The following MTFR1 variants were observed in gnomAD, a reference collection of about 807,000 sequenced individuals.
The protein encoded by MTFR1 is chondrocyte protein with a poly-proline region.
MTFR1 carries 28 observed loss-of-function variants against 38.8 expected under a neutral mutation model. The observed-to-expected ratio is 0.72, with a 90% CI of 0.53 to 0.99. The LOEUF is 0.99. MTFR1 is among the 50% of genes least tolerant of loss of function. The pLI is 0.00. For missense variants in MTFR1, 358 were observed against 395.5 expected, an observed-to-expected ratio of 0.91 and a Z score of 0.81; for synonymous variants, 145 against 137.0, an observed-to-expected ratio of 1.06 and a Z score of -0.41.
At chr8:65,667,950 G>A (rs1047316694) in intron 1 of MTFR1, among the ~76,000 whole-genome samples, 1 of 151,768 alleles carries the variant, frequency 6.6e-6, no homozygotes, top group African/African-American at 2.4e-5. Context: ...TTTCATTAGC[G>A]CCCAGCTCTT....
chr8:65,687,165 A>T (rs981808867), intron 3 of MTFR1, among the ~76,000 whole-genome samples: 7 of 152,134 alleles, frequency 4.6e-5, no homozygotes, highest in African/African-American at 1.7e-4. Flanking sequence ...CATGCAAGAG[A>T]TACATTTACA....
At chr8:65,702,295 T>C (rs1563456209) in intron 4 of MTFR1, among the ~76,000 whole-genome samples, 1 of 144,912 alleles carries the variant, frequency 6.9e-6, no homozygotes, top group Non-Finnish European at 1.5e-5. Flanking sequence ...CTTTCTTTCT[T>C]TCTTTTTTTT....
chr8:65,725,164 G>A (rs1241172717), intron 3 of MTFR1, among the ~76,000 whole-genome samples: 1 of 151,804 alleles, frequency 6.6e-6, no homozygotes, highest in Non-Finnish European at 1.5e-5. Flanking sequence ...ATTCCAAAAG[G>A]AGAGCCTTTA....
intron 1 of MTFR1, among the ~76,000 whole-genome samples, chr8:65,656,940 C>G (rs1426600862): frequency 6.6e-6 from 1 of 152,064 alleles, no homozygotes; most frequent in Non-Finnish European, 1.5e-5. Flanking sequence ...GCCACCACAC[C>G]TGCAGGACAG....
chr8:65,705,205 T>G (rs965225438), intron 5 of MTFR1, among the ~76,000 whole-genome samples: 5 of 152,172 alleles, frequency 3.3e-5, no homozygotes, highest in African/African-American at 7.2e-5. Context: ...GTGCCTGTAG[T>G]CCCAGCTTCT....
intron 4 of MTFR1, among the ~76,000 whole-genome samples, chr8:65,704,060 C>T (rs1805705132): frequency 6.6e-6 from 1 of 152,032 alleles, no homozygotes; most frequent in South Asian, 2.1e-4. Context: ...CTTAAACCTT[C>T]ATAGGTCCTA....
chr8:65,770,121 C>CTGTGTG (rs10608556), intron 3 of MTFR1, among the ~76,000 whole-genome samples: 236 of 146,552 alleles, frequency 1.6e-3, no homozygotes, highest in Middle Eastern at 6.8e-3. Flanking sequence ...CAGTATACTT[C>CTGTGTG]TGTGTGTGTG....
At chr8:65,731,827 T>C (rs1186795068) in intron 3 of MTFR1, among the ~76,000 whole-genome samples, 1 of 152,200 alleles carries the variant, frequency 6.6e-6, no homozygotes, top group Non-Finnish European at 1.5e-5. Flanking sequence ...AAAATATATA[T>C]ACTTAAGTCT....
downstream of MTFR1, among the ~76,000 whole-genome samples, chr8:65,711,012 G>A (rs1198453390): frequency 6.6e-6 from 1 of 152,040 alleles, no homozygotes; most frequent in Non-Finnish European, 1.5e-5. Context: ...GAGAGAGAGA[G>A]AGAATACAAG....
intron 2 of MTFR1, among the ~76,000 whole-genome samples, chr8:65,681,581 A>G (rs957671044): frequency 1.3e-5 from 2 of 152,106 alleles, no homozygotes; most frequent in Non-Finnish European, 2.9e-5. Context: ...TTTTTCCTTT[A>G]AAGAGGGGTC....
chr8:65,645,692 T>TC (rs1554544273), intron 1 of MTFR1, among the ~76,000 whole-genome samples: 1,929 of 83,008 alleles, frequency 0.023, 221 homozygotes, highest in East Asian at 0.18. Context: ...CGCCCGGCTT[T>TC]CCCCCCCCCC....
intron 1 of MTFR1, among the ~76,000 whole-genome samples, chr8:65,655,096 C>A (rs145085701): frequency 1.8e-3 from 267 of 152,254 alleles, no homozygotes; most frequent in African/African-American, 6.0e-3. Flanking sequence ...AAAATTTATG[C>A]CTCAGTACTT....
chr8:65,686,605 C>T (rs1398432352), intron 3 of MTFR1, among the ~76,000 whole-genome samples: 1 of 135,364 alleles, frequency 7.4e-6, no homozygotes, highest in Non-Finnish European at 1.6e-5. Flanking sequence ...AAAAAAGGCA[C>T]TGTGAAATAG....
chr8:65,663,339 C>A (rs1177602892), intron 1 of MTFR1, among the ~76,000 whole-genome samples: 2 of 151,842 alleles, frequency 1.3e-5, no homozygotes, highest in African/African-American at 4.8e-5. Context: ...GCAGCATGCT[C>A]GTTAAGAGTC....
At chr8:65,667,795 G>A (rs893651327) in intron 1 of MTFR1, among the ~76,000 whole-genome samples, 4 of 152,114 alleles carry the variant, frequency 2.6e-5, no homozygotes, top group Admixed American at 1.3e-4. Flanking sequence ...TAGGTTCAAG[G>A]TTTGTCTAAT....
chr8:65,731,276 G>A (rs1806875113), intron 3 of MTFR1, among the ~76,000 whole-genome samples: 1 of 152,166 alleles, frequency 6.6e-6, no homozygotes. Context: ...TCAACCATCA[G>A]TCTTGCTGAC....
chr8:65,724,278 A>G, intron 3 of MTFR1: 1 of 1,611,464 alleles, frequency 6.2e-7, no homozygotes, highest in Non-Finnish European at 8.5e-7. Flanking sequence ...TTCCTCCGTT[A>G]CTTTTTCACT....
At chr8:65,716,265 T>TC (rs1301441130) in intron 2 of MTFR1, among the ~76,000 whole-genome samples, 2 of 152,032 alleles carry the variant, frequency 1.3e-5, no homozygotes, top group Non-Finnish European at 2.9e-5. Flanking sequence ...CACCCACAGT[T>TC]CCCCTGAGAA....
At chr8:65,730,933 CAG>C (rs1806858689) in intron 3 of MTFR1, among the ~76,000 whole-genome samples, 1 of 152,104 alleles carries the variant, frequency 6.6e-6, no homozygotes, top group Non-Finnish European at 1.5e-5. Context: ...AAAAACAAAA[CAG>C]AACAAAATAA....
Sources: gnomAD v4.1 joint callset for allele counts (sites outside exome capture counted in the v4.1 genomes callset) on GRCh38, gnomAD v4.1.1 for gene constraint, MANE v1.5 for transcripts, NCBI Gene and HGNC (gene_info 2026-07-23, HGNC 2026-07-21) for gene names.